NTNG1: variants seen among roughly 807,000 people sequenced by gnomAD.
The protein encoded by NTNG1 is netrin G1.
A neutral mutation model predicts 54.0 loss-of-function variants in NTNG1; 16 were observed. That is an observed-to-expected ratio of 0.30 (90% CI 0.20 to 0.45). NTNG1 has a LOEUF of 0.45. Ranked by LOEUF, NTNG1 falls within the 20% of genes least tolerant of loss-of-function variation. NTNG1 has a pLI of 1.00. For synonymous variants in NTNG1, 255 were observed against 263.1 expected (o/e 0.97, Z 0.30); for missense variants, 530 against 678.7 (o/e 0.78, Z 2.43).
intron 3 of NTNG1, among the ~76,000 whole-genome samples, chr1:107,381,494 CA>C (rs1475231672): frequency 1.3e-5 from 2 of 151,796 alleles, no homozygotes; most frequent in East Asian, 3.9e-4. Context: ...CTCCATTTTC[CA>C]AAGCTAAATG....
intron 3 of NTNG1, among the ~76,000 whole-genome samples, chr1:107,351,317 G>A (rs1669584305): frequency 1.3e-5 from 2 of 152,120 alleles, no homozygotes; most frequent in Admixed American, 1.3e-4. Flanking sequence ...ACCTGAAACT[G>A]GATAATTTAT....
chr1:107,448,298 C>G (rs1422303694), intron 7 of NTNG1, among the ~76,000 whole-genome samples: 2 of 152,012 alleles, frequency 1.3e-5, no homozygotes, highest in East Asian at 3.9e-4. Flanking sequence ...TTGTCATGTA[C>G]CAGGCACTAT....
At chr1:107,166,162 A>C (rs1655778398) in intron 2 of NTNG1, among the ~76,000 whole-genome samples, 1 of 152,192 alleles carries the variant, frequency 6.6e-6, no homozygotes, top group Admixed American at 6.5e-5. Context: ...TAGCTTCATA[A>C]AACCAGAAGG....
At chr1:107,167,676 A>G (rs775698951) in intron 2 of NTNG1, among the ~76,000 whole-genome samples, 2 of 152,010 alleles carry the variant, frequency 1.3e-5, no homozygotes, top group Non-Finnish European at 2.9e-5. Context: ...GGTGATAATA[A>G]TTAATTTTTA....
At chr1:107,256,771 T>C (rs938375072) in intron 2 of NTNG1, among the ~76,000 whole-genome samples, 1 of 152,152 alleles carries the variant, frequency 6.6e-6, no homozygotes, top group African/African-American at 2.4e-5. Flanking sequence ...AGCCATTCAT[T>C]TGGCATTTAC....
intron 3 of NTNG1, among the ~76,000 whole-genome samples, chr1:107,325,127 C>T (rs201974557): frequency 6.6e-6 from 1 of 152,126 alleles, no homozygotes; most frequent in East Asian, 1.9e-4. Flanking sequence ...GTCCCTGAAC[C>T]TGGCATGATT....
chr1:107,427,494 G>A (rs1321673652), intron 5 of NTNG1, among the ~76,000 whole-genome samples: 1 of 152,022 alleles, frequency 6.6e-6, no homozygotes, highest in African/African-American at 2.4e-5. Flanking sequence ...TTAAAAAGTA[G>A]GAAATTAACA....
intron 2 of NTNG1, among the ~76,000 whole-genome samples, chr1:107,299,896 C>T (rs1666217493): frequency 6.6e-6 from 1 of 152,080 alleles, no homozygotes; most frequent in African/African-American, 2.4e-5. Context: ...CCCATTATTG[C>T]CACCATTGGA....
At chr1:107,175,624 A>G (rs1465751474) in intron 2 of NTNG1, among the ~76,000 whole-genome samples, 1 of 150,288 alleles carries the variant, frequency 6.7e-6, no homozygotes, top group South Asian at 2.1e-4. Context: ...TTTTTTTTCT[A>G]AGAAAGGCAA....
rs572801632 is a variant in NTNG1 at position 107,146,496 on chromosome 1, G to A, written c.-525-1573G>A. On this transcript the variant is annotated intron_variant, in intron 1 of 7. Transcript: ENST00000370068. ...TGAAAAAAAGCAGAAGGCTATAGTA[G>A]CCACAACACATGCTTCTCTGATTTT... 1.5e-4 allele frequency among the ~76,000 whole-genome samples: 23 copies of A among 152,088 alleles called. No homozygotes were observed. The South Asian group carries it at 2.5e-3, about 16-fold the overall frequency.
At chr1:107,180,872 C>T (rs557050253) in intron 2 of NTNG1, among the ~76,000 whole-genome samples, 28 of 152,282 alleles carry the variant, frequency 1.8e-4, no homozygotes, top group African/African-American at 6.3e-4. Context: ...ATAGTATCTT[C>T]TGTATCTCCT....
chr1:107,217,116 T>C (rs942448748), intron 2 of NTNG1, among the ~76,000 whole-genome samples: 26 of 152,172 alleles, frequency 1.7e-4, no homozygotes, highest in African/African-American at 6.3e-4. Flanking sequence ...ACTATTTTAA[T>C]CTGCTGCTTG....
intron 2 of NTNG1, among the ~76,000 whole-genome samples, chr1:107,174,624 G>C (rs532276758): frequency 9.9e-4 from 151 of 151,984 alleles, no homozygotes; most frequent in African/African-American, 3.5e-3. Context: ...TTTCCCATTT[G>C]TTGTGTAGTT....
rs1411558981 is a variant in NTNG1, at chr1:107,324,759, TC to T, written c.727del (p.Leu243SerfsTer20). On this transcript the variant is annotated frameshift_variant, in exon 3 of 8. Coordinates refer to ENST00000370068, the MANE Select transcript of NTNG1 (RefSeq NM_001113226.3). LOFTEE classifies it high-confidence loss of function. ...FAGPRLRNMA[S>X]LYGQLDTTKK... The stretch of plus-strand genomic sequence containing the variant: ...TGGACCTCGCCTACGCAATATGGCT[TC>T]CCTCTACGGACAGCTGGATACAACC... The T allele has an allele frequency of 1.2e-6, 2 of 1,613,460 alleles. No individual in the cohort carries two copies. The highest frequency in any genetic ancestry group is 1.7e-6 in the Non-Finnish European group (2 of 1,179,772).
chr1:107,202,142 T>C (rs1658804874), intron 2 of NTNG1, among the ~76,000 whole-genome samples: 1 of 151,864 alleles, frequency 6.6e-6, no homozygotes, highest in Non-Finnish European at 1.5e-5. Context: ...TTTCATGTAA[T>C]TTTGCTTTAG....
intron 7 of NTNG1, among the ~76,000 whole-genome samples, chr1:107,468,142 G>A (rs528715403): frequency 1.1e-3 from 164 of 152,178 alleles, no homozygotes; most frequent in Non-Finnish European, 2.0e-3. Flanking sequence ...AAAAGTTACC[G>A]CTGTGTGATT....
At chr1:107,187,964 T>C (rs1445042687) in intron 2 of NTNG1, among the ~76,000 whole-genome samples, 1 of 152,170 alleles carries the variant, frequency 6.6e-6, no homozygotes, top group East Asian at 1.9e-4. Flanking sequence ...TCCTTGAGAA[T>C]GTTTGTTAGA....
chr1:107,257,347 G>A (rs1038443856), intron 2 of NTNG1, among the ~76,000 whole-genome samples: 12 of 152,096 alleles, frequency 7.9e-5, no homozygotes, highest in Non-Finnish European at 1.3e-4. Context: ...GAGAAAAGTA[G>A]GCCTTTTGAT....
At chr1:107,426,088 G>T (rs1177125148) in intron 5 of NTNG1, among the ~76,000 whole-genome samples, 2 of 151,836 alleles carry the variant, frequency 1.3e-5, no homozygotes, top group Non-Finnish European at 2.9e-5. Flanking sequence ...GGTCTTTAGA[G>T]GCATAATTTC....
Sources: allele counts gnomAD v4.1 joint callset (sites outside exome capture counted in the v4.1 genomes callset), GRCh38; gene constraint gnomAD v4.1.1; transcripts MANE v1.5; gene names NCBI Gene and HGNC (gene_info 2026-07-23, HGNC 2026-07-21).